Variants in CCN4 observed in about 807,000 individuals in gnomAD.
CCN4 encodes cellular communication network factor 4, also known as CCN family member 4.
CCN4 carries 30 observed loss-of-function variants against 36.7 expected under a neutral mutation model. The observed-to-expected ratio is 0.82, with a 90% confidence interval of 0.61 to 1.11. The LOEUF is 1.11. Among genes scored for constraint, CCN4 ranks in the 50% least tolerant of loss-of-function variants. The pLI is 0.00. For synonymous variants in CCN4, 191 were observed against 195.4 expected, an observed-to-expected ratio of 0.98 and a Z score of 0.19; for missense variants, 505 against 504.9, an observed-to-expected ratio of 1.00 and a Z score of 0.00.
rs373663040 is a variant in CCN4, at chr8:133,223,210, C to T, written c.611-2180C>T. Among the ~76,000 whole-genome samples the T allele has an allele frequency of 4.6e-5, 7 of 152,144 alleles. No individual in the cohort carries two copies. In the East Asian group the frequency reaches 5.8e-4, roughly 13 times the overall value. On this transcript the variant is annotated intron_variant, in intron 3 of 4. Coordinates refer to ENST00000250160, the MANE Select transcript of CCN4 (RefSeq NM_003882.4). ...CCCCAGGAGGGCCACACGAGGGTCA[C>T]GGGGGGAGCAGGGAGGCAGAAGCTG...
At chr8:133,191,355 GC>G in intron 1 of CCN4, 142 bp downstream of exon 1, 1 of 1,018,506 alleles carries the variant, frequency 9.8e-7, no homozygotes, top group Non-Finnish European at 1.4e-6. Flanking sequence ...CAAGGACAGA[GC>G]CCAGGGTGAG....
At chr8:133,205,930 C>T (rs1564255421) in intron 1 of CCN4, among the ~76,000 whole-genome samples, 1 of 152,140 alleles carries the variant, frequency 6.6e-6, no homozygotes, top group Non-Finnish European at 1.5e-5. Flanking sequence ...GCACAAATAC[C>T]CATTGCTTAC....
intron 1 of CCN4, among the ~76,000 whole-genome samples, chr8:133,200,842 C>T (rs1262081686): frequency 6.6e-6 from 1 of 152,202 alleles, no homozygotes; most frequent in Admixed American, 6.5e-5. Flanking sequence ...GAACATTAAG[C>T]CCTAGCAACA....
intron 1 of CCN4, among the ~76,000 whole-genome samples, chr8:133,205,874 T>G (rs1021087580): frequency 1.3e-5 from 2 of 152,124 alleles, no homozygotes; most frequent in Non-Finnish European, 2.9e-5. Flanking sequence ...ACTAATTACC[T>G]CTCTCTCCCA....
chr8:133,204,792 G>A (rs1315461171), intron 1 of CCN4, among the ~76,000 whole-genome samples: 1 of 152,218 alleles, frequency 6.6e-6, no homozygotes. Flanking sequence ...TTGACCTCGA[G>A]TGATCCACCT....
chr8:133,199,709 C>T (rs937713966), intron 1 of CCN4, among the ~76,000 whole-genome samples: 5 of 152,162 alleles, frequency 3.3e-5, no homozygotes, highest in African/African-American at 1.2e-4. Context: ...TGCACACACG[C>T]ACACACAGGC....
At chr8:133,192,492 A>G (rs1467592183) in intron 1 of CCN4, among the ~76,000 whole-genome samples, 1 of 152,242 alleles carries the variant, frequency 6.6e-6, no homozygotes, top group Admixed American at 6.5e-5. Context: ...AAGTGAGAGC[A>G]AGTAAAGGAC....
intron 3 of CCN4, among the ~76,000 whole-genome samples, chr8:133,223,636 C>G (rs923188808): frequency 8.3e-5 from 12 of 144,496 alleles, no homozygotes; most frequent in African/African-American, 3.0e-4. Flanking sequence ...GTTTCTTTCT[C>G]TCTCTCACAC....
intron 2 of CCN4, among the ~76,000 whole-genome samples, chr8:133,219,677 C>T (rs1366970428): frequency 2.6e-5 from 4 of 152,124 alleles, no homozygotes; most frequent in Admixed American, 6.6e-5. Context: ...TAGTAATTCT[C>T]GATCACTGAA....
rs1156366776 is a variant in CCN4, at chr8:133,191,730, A to G, written c.69+517A>G. On this transcript the variant is annotated intron_variant, in intron 1 of 4. Coordinates refer to ENST00000250160, the MANE Select transcript of CCN4 (RefSeq NM_003882.4). ...GGAAAGAAAAATGCCAGCTTTCAAC[A>G]AAAGCTCCTTATTGAGCAAACAGTG... 3.3e-5 allele frequency among the ~76,000 whole-genome samples: 5 copies of G among 152,352 alleles called. No homozygotes were observed. The East Asian group carries it at 9.7e-4, about 29-fold the overall frequency.
chr8:133,201,224 C>G (rs537428515), intron 1 of CCN4, among the ~76,000 whole-genome samples: 1 of 152,134 alleles, frequency 6.6e-6, no homozygotes. Flanking sequence ...TTTTGTGACT[C>G]AGTTTGCTCA....
chr8:133,205,109 G>C (rs1232242429), intron 1 of CCN4, among the ~76,000 whole-genome samples: 1 of 152,212 alleles, frequency 6.6e-6, no homozygotes, highest in Non-Finnish European at 1.5e-5. Context: ...TCTCAGTGGG[G>C]TAGGTGGGGC....
At chr8:133,220,869 G>A in intron 3 of CCN4, 28 bp downstream of exon 3, 1 of 1,578,846 alleles carries the variant, frequency 6.3e-7, no homozygotes, top group Non-Finnish European at 8.6e-7. Flanking sequence ...TGGGCTGGGG[G>A]TGGGACCCTA....
chr8:133,193,083 C>T (rs1853174648), intron 1 of CCN4, among the ~76,000 whole-genome samples: 1 of 152,198 alleles, frequency 6.6e-6, no homozygotes, highest in Non-Finnish European at 1.5e-5. Context: ...AAAGCCCCGC[C>T]CCCTGTGTGG....
Position 133,231,450 on chromosome 8 carries a change from T to G in CCN4, c.*3740T>G, listed in dbSNP as rs924075314. 6.6e-6 allele frequency: 1 copy of G among 152,206 alleles called. No homozygotes were observed. Among genetic ancestry groups the G allele is most frequent in the African/African-American group, 2.4e-5 (1 of 41,444 alleles). The allele number at this position is 152,206 out of a possible 1,614,324, so 9.4% of individuals were successfully genotyped here. A position where few individuals can be genotyped will look rare whatever the true frequency, so the allele number is the denominator to read the frequency against. On this transcript the variant is annotated 3_prime_UTR_variant, in exon 5 of 5. Coordinates refer to ENST00000250160, the MANE Select transcript of CCN4 (RefSeq NM_003882.4). ...TTTCCAATAGAGGAAAAATAACACT[T>G]GGGCAATCTGTCATGTTTCACAACA...
intron 1 of CCN4, among the ~76,000 whole-genome samples, chr8:133,211,491 T>TGTCATCC (rs1854030119): frequency 6.6e-6 from 1 of 152,234 alleles, no homozygotes; most frequent in South Asian, 2.1e-4. Flanking sequence ...CTGTGAACTG[T>TGTCATCC]GTCATCCTGG....
chr8:133,224,904 C>T (rs918452414), intron 3 of CCN4, among the ~76,000 whole-genome samples: 1 of 150,202 alleles, frequency 6.7e-6, no homozygotes, highest in African/African-American at 2.5e-5. Context: ...CATTGCACTC[C>T]AGCCTAGGCA....
At chr8:133,215,123 C>G (rs1262928010) in intron 2 of CCN4, among the ~76,000 whole-genome samples, 1 of 152,138 alleles carries the variant, frequency 6.6e-6, no homozygotes, top group Non-Finnish European at 1.5e-5. Context: ...ATGGTATGTT[C>G]AAAGAGAACT....
In CCN4 at chr8:133,231,322, A is replaced by ATATG. The variant is rs1183016263; in HGVS notation, c.*3624_*3627dup. On this transcript the variant is annotated 3_prime_UTR_variant, in exon 5 of 5. Coordinates refer to ENST00000250160, the MANE Select transcript of CCN4 (RefSeq NM_003882.4). ...ACTATGTATCCCTGTGTGTGTATAT[A>ATATG]TATGTATGTATGTATCTATTTTCAA... 1 of 152,164 alleles carries ATATG rather than the reference A, an allele frequency of 6.6e-6. No homozygotes were observed. The highest frequency in any genetic ancestry group is 1.5e-5 in the Non-Finnish European group (1 of 68,024). 9.4% of individuals were successfully genotyped at this position (152,164 alleles called of 1,614,324 possible).
Sources: allele counts gnomAD v4.1 joint callset (sites outside exome capture counted in the v4.1 genomes callset), GRCh38; gene constraint gnomAD v4.1.1; transcripts MANE v1.5; gene names NCBI Gene and HGNC (gene_info 2026-07-23, HGNC 2026-07-21).